The following PHIP variants were observed in gnomAD, a reference collection of about 807,000 sequenced individuals.
PHIP encodes the protein PHIP subunit of CUL4-Ring ligase complex.
PHIP carries 54 observed loss-of-function variants against 236.8 expected under a neutral mutation model. The observed-to-expected ratio is 0.23, with a 90% confidence interval of 0.18 to 0.29. PHIP has a LOEUF of 0.29. PHIP is among the 10% of genes least tolerant of loss of function. PHIP has a pLI of 1.00. For synonymous variants in PHIP, 756 were observed against 718.9 expected (o/e 1.05, Z -0.83); for missense variants, 1,370 against 2,190.8 (o/e 0.63, Z 7.48).
At chr6:79,015,481 T>C (rs1341091127) in intron 14 of PHIP, 149 bp downstream of exon 14, 5 of 656,184 alleles carry the variant, frequency 7.6e-6, no homozygotes, top group Non-Finnish European at 1.3e-5. Context: ...TTAACTGCAC[T>C]GTTAAAATTA....
At position 78,940,603 on chromosome 6, in the gene PHIP, C is replaced by T. The variant is rs1347627755; in HGVS notation, c.*90G>A. 1 of 337,452 alleles carries T rather than the reference C, an allele frequency of 3.0e-6. No homozygotes were observed. The highest frequency in any genetic ancestry group is 6.6e-5 in the East Asian group (1 of 15,110). The allele number at this position is 337,452 out of a possible 1,614,324, so 20.9% of individuals were successfully genotyped here. On this transcript the variant is annotated 3_prime_UTR_variant, in exon 40 of 40. Coordinates refer to ENST00000275034, the MANE Select transcript of PHIP (RefSeq NM_017934.7). ...CAAATCATAACATTCCCTACTCCAC[C>T]ACAGCAGCAAGGAAGCAGAAGCCTT...
At chr6:78,991,928 T>C (rs1769273949) in intron 19 of PHIP, among the ~76,000 whole-genome samples, 2 of 151,982 alleles carry the variant, frequency 1.3e-5, no homozygotes, top group African/African-American at 4.8e-5. Context: ...TAACAGCGAT[T>C]ATTTGTATCC....
Position 78,990,911 on chromosome 6 carries a change from T to A in PHIP, c.2276A>T (p.His759Leu). The change falls in exon 20 of 40, where the codon CAC becomes CTC. Residue 759 changes from histidine (H) to leucine (L), a missense_variant. His to Leu is a moderately conservative substitution (Grantham distance 99). Transcript: ENST00000275034. ...TTTATTCTCTTTTGGAACAGTTAAG[T>A]GTTTTCTTTTCTCTTCTGACCTGTA... ...KTYRSEEKRKHLTVPKENKIP... is the reference protein window; with the variant it reads ...KTYRSEEKRKLLTVPKENKIP... 1.9e-6 allele frequency: 3 copies of A among 1,608,292 alleles called. No homozygotes were observed. The highest frequency in any genetic ancestry group is 1.7e-6 in the Non-Finnish European group (2 of 1,175,076).
In PHIP at chr6:79,017,341, T is replaced by C; in HGVS notation, c.1136+5A>G. 2 of 1,465,760 alleles carry C rather than the reference T, an allele frequency of 1.4e-6. No individual in the cohort carries two copies. Among genetic ancestry groups the C allele is most frequent in the Non-Finnish European group, 1.9e-6 (2 of 1,071,394 alleles). 90.8% of individuals were successfully genotyped at this position (1,465,760 alleles called of 1,614,324 possible). ...AATTAGAATTAAATTAGACAAATAT[T>C]TTACCTGTTACTAGTGTTGGAAAAC... On this transcript the variant is annotated splice_donor_5th_base_variant and intron_variant, in intron 12 of 39. Coordinates refer to ENST00000275034, the MANE Select transcript of PHIP (RefSeq NM_017934.7).
intron 9 of PHIP, among the ~76,000 whole-genome samples, 194 bp from the exon 10 acceptor site, chr6:79,019,353 A>T (rs1034265269): frequency 4.6e-5 from 7 of 152,070 alleles, no homozygotes; most frequent in African/African-American, 1.7e-4. Context: ...TAGATTTTGT[A>T]GGAGCTCCTT....
At chr6:79,041,729 C>T (rs1284079486) in intron 7 of PHIP, among the ~76,000 whole-genome samples, 1 of 151,932 alleles carries the variant, frequency 6.6e-6, no homozygotes, top group African/African-American at 2.4e-5. Flanking sequence ...TGCCTATTTT[C>T]CACTCTGAAA....
In PHIP at chr6:78,942,770, T is replaced by C. The variant is rs1383442695; in HGVS notation, c.4829-1440A>G. On this transcript the variant is annotated intron_variant, in intron 39 of 39. Transcript: ENST00000275034. ...CAGTACATGTACCTACTACAGAAGA[T>C]AGGCTTTAAGGACTACATGAATCCC... is the stretch of plus-strand genomic sequence containing the variant. 8.5e-5 allele frequency among the ~76,000 whole-genome samples: 13 copies of C among 152,322 alleles called. No individual in the cohort carries two copies. The East Asian group carries it at 1.4e-3, about 16-fold the overall frequency.
intron 6 of PHIP, among the ~76,000 whole-genome samples, chr6:79,051,285 T>G: frequency 6.6e-6 from 1 of 152,086 alleles, no homozygotes; most frequent in Non-Finnish European, 1.5e-5. Context: ...ATCACCGTAA[T>G]AGTAACTATA....
intron 6 of PHIP, among the ~76,000 whole-genome samples, chr6:79,048,958 T>G (rs749545340): frequency 2.6e-5 from 4 of 152,176 alleles, no homozygotes; most frequent in African/African-American, 9.7e-5. Context: ...TCAGTAAAAT[T>G]TGGGCCTTTT....
At chr6:79,060,627 G>T in intron 5 of PHIP, 41 bp downstream of exon 5, 1 of 1,607,426 alleles carries the variant, frequency 6.2e-7, no homozygotes, top group Non-Finnish European at 8.5e-7. Flanking sequence ...AAACAAAAGT[G>T]AGATAAATAA....
intron 19 of PHIP, among the ~76,000 whole-genome samples, chr6:78,991,474 G>C (rs1275642832): frequency 6.6e-6 from 1 of 152,022 alleles, no homozygotes; most frequent in African/African-American, 2.4e-5. Flanking sequence ...TTCACCGACT[G>C]AAAAAACTCA....
chr6:78,945,612 A>G, intron 38 of PHIP, 115 bp from the exon 39 acceptor site: 1 of 692,906 alleles, frequency 1.4e-6, no homozygotes, highest in Non-Finnish European at 2.5e-6. Flanking sequence ...AGGATGCTTA[A>G]AGCTTTCTTA....
chr6:79,040,235 AAAG>A (rs1243849065), intron 7 of PHIP, among the ~76,000 whole-genome samples: 1 of 152,092 alleles, frequency 6.6e-6, no homozygotes, highest in Non-Finnish European at 1.5e-5. Flanking sequence ...ACTGGAGATT[AAAG>A]AGATGAGGTA....
At chr6:78,975,366 A>T (rs1767969913) in intron 24 of PHIP, among the ~76,000 whole-genome samples, 1 of 152,342 alleles carries the variant, frequency 6.6e-6, no homozygotes, top group Admixed American at 6.5e-5. Flanking sequence ...TATTGATGGG[A>T]CATATTTCAA....
At chr6:78,967,251 G>C (rs916537091) in intron 27 of PHIP, among the ~76,000 whole-genome samples, 3 of 152,186 alleles carry the variant, frequency 2.0e-5, no homozygotes, top group Non-Finnish European at 2.9e-5. Flanking sequence ...GCATGCTGTT[G>C]ACAGTTGTTC....
At chr6:79,047,209 A>G (rs182280322) in intron 6 of PHIP, among the ~76,000 whole-genome samples, 119 of 152,308 alleles carry the variant, frequency 7.8e-4, no homozygotes, top group Non-Finnish European at 1.4e-3. Context: ...GCCAATTAGT[A>G]GAGATCAACA....
At chr6:79,065,382 AC>A (rs1773574234) in intron 4 of PHIP, among the ~76,000 whole-genome samples, 1 of 152,144 alleles carries the variant, frequency 6.6e-6, no homozygotes, top group South Asian at 2.1e-4. Context: ...TTCTAGCTTC[AC>A]CTGGCACATT....
intron 31 of PHIP, among the ~76,000 whole-genome samples, chr6:78,960,538 A>G (rs970457063): frequency 6.6e-6 from 1 of 151,880 alleles, no homozygotes; most frequent in Admixed American, 6.6e-5. Context: ...GTTGGGAACC[A>G]CATAGCAGGG....
At chr6:79,007,538 G>C (rs1770349225) in intron 15 of PHIP, among the ~76,000 whole-genome samples, 1 of 151,932 alleles carries the variant, frequency 6.6e-6, no homozygotes, top group Non-Finnish European at 1.5e-5. Flanking sequence ...AGAAGTATAT[G>C]CTTCTAGAAA....
Sources: gnomAD v4.1 joint callset for allele counts (sites outside exome capture counted in the v4.1 genomes callset) on GRCh38, gnomAD v4.1.1 for gene constraint, MANE v1.5 for transcripts, NCBI Gene and HGNC (gene_info 2026-07-23, HGNC 2026-07-21) for gene names.